Variants in ACYP2 observed in about 807,000 individuals in gnomAD.
The protein encoded by ACYP2 is acylphosphatase 2.
ACYP2 carries 12 observed loss-of-function variants against 11.2 expected under a neutral mutation model. The ratio of observed to expected loss-of-function variants is 1.08; its 90% confidence interval spans 0.69 to 1.74. The LOEUF (loss-of-function observed/expected upper bound fraction) is 1.74. ACYP2 is among the 40% of genes most tolerant of loss of function. The probability of loss-of-function intolerance (pLI) is 0.00; values close to 1 mark genes in which losing one functional copy is unlikely to be tolerated. For synonymous variants in ACYP2, 43 were observed against 32.2 expected, an observed-to-expected ratio of 1.33 and a Z score of -1.13; for missense variants, 134 against 101.9, an observed-to-expected ratio of 1.31 and a Z score of -1.35.
chr2:54,117,344 C>T (rs1353606454), intron 4 of ACYP2, among the ~76,000 whole-genome samples: 1 of 152,074 alleles, frequency 6.6e-6, no homozygotes, highest in East Asian at 1.9e-4. Flanking sequence ...CAGACTGGAG[C>T]AAGTGCAATG....
chr2:54,158,499 C>T (rs149367326), intron 6 of ACYP2, among the ~76,000 whole-genome samples: 133 of 152,240 alleles, frequency 8.7e-4, no homozygotes, highest in African/African-American at 2.9e-3. Flanking sequence ...AGCCACTGCA[C>T]CCAGCACGGT....
chr2:54,073,147 C>T (rs1421514292), intron 4 of ACYP2, among the ~76,000 whole-genome samples: 1 of 152,130 alleles, frequency 6.6e-6, no homozygotes, highest in Non-Finnish European at 1.5e-5. Flanking sequence ...AAAGAATAGT[C>T]TTTTCAGCAA....
intron 2 of ACYP2, among the ~76,000 whole-genome samples, chr2:54,044,425 T>A (rs1206457693): frequency 6.7e-6 from 1 of 149,502 alleles, no homozygotes; most frequent in Non-Finnish European, 1.5e-5. Flanking sequence ...CGAACCCCCG[T>A]GTCTACTAAA....
chr2:54,129,710 G>T (rs1680780334), intron 4 of ACYP2, among the ~76,000 whole-genome samples: 2 of 149,746 alleles, frequency 1.3e-5, no homozygotes, highest in Admixed American at 6.7e-5. Flanking sequence ...ACTGTGTAAA[G>T]TTCTACTAGA....
intron 6 of ACYP2, among the ~76,000 whole-genome samples, chr2:54,168,521 C>T (rs990212548): frequency 1.3e-5 from 2 of 151,982 alleles, no homozygotes; most frequent in African/African-American, 4.8e-5. Flanking sequence ...CCACATGAAC[C>T]GTGAGTTAGA....
At chr2:54,160,842 TGG>T (rs1682679018) in intron 6 of ACYP2, among the ~76,000 whole-genome samples, 4 of 152,202 alleles carry the variant, frequency 2.6e-5, no homozygotes, top group African/African-American at 9.7e-5. Flanking sequence ...GTTGAAAATA[TGG>T]GCTAAGAACT....
intron 4 of ACYP2, among the ~76,000 whole-genome samples, chr2:54,113,406 G>A (rs966952658): frequency 2.6e-5 from 4 of 151,940 alleles, no homozygotes; most frequent in Non-Finnish European, 5.9e-5. Flanking sequence ...CCACAGCCAG[G>A]TAATTTTTGT....
At chr2:54,170,699 C>T (rs1306436807) in intron 6 of ACYP2, among the ~76,000 whole-genome samples, 1 of 151,692 alleles carries the variant, frequency 6.6e-6, no homozygotes, top group Non-Finnish European at 1.5e-5. Flanking sequence ...AATATGACTT[C>T]GTAAAGAACA....
At chr2:54,129,929 A>G (rs1381905426) in intron 4 of ACYP2, among the ~76,000 whole-genome samples, 2 of 148,870 alleles carry the variant, frequency 1.3e-5, no homozygotes, top group East Asian at 3.9e-4. Context: ...ATAAAGATAT[A>G]TAAAAATTTA....
At chr2:54,145,484 A>T (rs1681838288) in intron 6 of ACYP2, among the ~76,000 whole-genome samples, 2 of 152,040 alleles carry the variant, frequency 1.3e-5, no homozygotes, top group African/African-American at 4.8e-5. Flanking sequence ...CTCTTTTTAT[A>T]TTTTTTTATG....
intron 6 of ACYP2, among the ~76,000 whole-genome samples, chr2:54,216,541 C>T (rs200442452): frequency 7.4e-6 from 1 of 135,252 alleles, no homozygotes; most frequent in African/African-American, 2.8e-5. Context: ...ATCACGTTTA[C>T]ATTTTTTTTT....
chr2:54,084,802 A>C (rs1677860362), intron 4 of ACYP2: 1 of 152,218 alleles, frequency 6.6e-6, no homozygotes, highest in Non-Finnish European at 1.5e-5. Flanking sequence ...CTTGCCTTGC[A>C]CTGCCCTCTT....
rs535760184 is a variant in ACYP2, at chr2:54,139,973, A to G, written c.404+1225A>G. Among the ~76,000 whole-genome samples the G allele has an allele frequency of 2.0e-5, 3 of 152,328 alleles. No individual in the cohort carries two copies. In the South Asian group the frequency reaches 6.2e-4, roughly 32 times the overall value. ...TGTATTTTTATTTTCTGGACATTTC[A>G]GTAAACAGTAAATATATAATTATCA... On this transcript the variant is annotated intron_variant, in intron 6 of 6. Transcript: ENST00000607452.
intron 4 of ACYP2, among the ~76,000 whole-genome samples, chr2:54,099,450 C>T (rs1014347060): frequency 1.3e-5 from 2 of 152,190 alleles, no homozygotes; most frequent in African/African-American, 4.8e-5. Flanking sequence ...CTCCCACCCC[C>T]AGACCCTGGT....
intron 6 of ACYP2, among the ~76,000 whole-genome samples, chr2:54,197,837 T>A (rs1175679774): frequency 6.6e-6 from 1 of 152,192 alleles, no homozygotes; most frequent in Non-Finnish European, 1.5e-5. Flanking sequence ...TATTTTATTG[T>A]GCGTACTTCT....
chr2:54,111,557 G>A lies in ACYP2; in HGVS notation c.278-23896G>A, dbSNP rs565779078. On this transcript the variant is annotated intron_variant, in intron 4 of 6. Transcript: ENST00000607452. ...TCTGCTTTGCTGATAGAACGCTTAA[G>A]CAATTTTCTGATAACTTGTAATAAG... is the stretch of plus-strand genomic sequence containing the variant. Among the ~76,000 whole-genome samples the A allele has an allele frequency of 3.3e-5, 5 of 152,342 alleles. No homozygotes were observed. In the South Asian group the frequency reaches 1.0e-3, roughly 32 times the overall value.
chr2:54,093,811 G>A lies in ACYP2; in HGVS notation c.277+36451G>A, dbSNP rs538015142. Among the ~76,000 whole-genome samples, 231 of 152,198 alleles carry A rather than the reference G, an allele frequency of 1.5e-3. 1 individual carries two copies. Among genetic ancestry groups the A allele is most frequent in the African/African-American group, 5.1e-3 (212 of 41,518 alleles). On this transcript the variant is annotated intron_variant, in intron 4 of 6. Coordinates refer to ENST00000607452, the MANE Select transcript of ACYP2 (RefSeq NM_001320586.2). ...AAAAATTAGCCGGGCGTGGTCGTGG[G>A]CGCCTGTAGTCCCAGCTACTCCGGA...
intron 6 of ACYP2, among the ~76,000 whole-genome samples, chr2:54,162,849 G>A (rs1325792556): frequency 2.0e-5 from 3 of 152,120 alleles, no homozygotes; most frequent in Non-Finnish European, 4.4e-5. Flanking sequence ...TTAGCCGGGC[G>A]TTGTGATGCA....
intron 2 of ACYP2, among the ~76,000 whole-genome samples, chr2:54,024,103 G>T (rs1008487569): frequency 1.3e-5 from 2 of 152,192 alleles, no homozygotes; most frequent in African/African-American, 4.8e-5. Flanking sequence ...GCTGAGTGCG[G>T]TGGCTCATGC....
Sources: allele counts gnomAD v4.1 joint callset (sites outside exome capture counted in the v4.1 genomes callset), GRCh38; gene constraint gnomAD v4.1.1; transcripts MANE v1.5; gene names NCBI Gene and HGNC (gene_info 2026-07-23, HGNC 2026-07-21).